The following MED13L variants were observed in gnomAD, a reference collection of about 807,000 sequenced individuals.
MED13L encodes the protein mediator complex subunit 13L, also known as mediator of RNA polymerase II transcription subunit 13-like.
A neutral mutation model predicts 220.9 loss-of-function variants in MED13L; 7 were observed. The observed-to-expected ratio is 0.03, with a 90% CI of 0.02 to 0.06. The LOEUF (loss-of-function observed/expected upper bound fraction) is 0.06. Among genes scored for constraint, MED13L ranks in the 10% least tolerant of loss-of-function variants. MED13L has a pLI of 1.00. For synonymous variants in MED13L, 1,011 were observed against 1,015.2 expected (o/e 1.00, Z 0.08); for missense variants, 1,965 against 2,760.5 (o/e 0.71, Z 6.46).
At chr12:116,213,702 C>T (rs1014310222) in intron 2 of MED13L, among the ~76,000 whole-genome samples, 3 of 152,150 alleles carry the variant, frequency 2.0e-5, no homozygotes, top group African/African-American at 4.8e-5. Flanking sequence ...CGTGAGCCAC[C>T]GCATCCAGCA....
In MED13L at chr12:116,199,886, C is replaced by G. The variant is rs534950891; in HGVS notation, c.310+37582G>C. ...CATCAGTCAGAAGGACAAATTTTCT[C>G]AGGAAAATAATTTCAAGTTCAAGGT... On this transcript the variant is annotated intron_variant, in intron 2 of 30. Transcript: ENST00000281928. Among the ~76,000 whole-genome samples the G allele has an allele frequency of 2.6e-5, 4 of 152,146 alleles. No individual in the cohort carries two copies. In the East Asian group the frequency reaches 7.7e-4, roughly 29 times the overall value.
At chr12:116,111,536 A>G (rs982111210) in intron 2 of MED13L, 24 bp from the exon 3 acceptor site, 4 of 1,572,550 alleles carry the variant, frequency 2.5e-6, no homozygotes, top group Admixed American at 3.5e-5. Flanking sequence ...GAAAAAAGAA[A>G]AAAAAAGAAC....
At chr12:116,206,525 G>A (rs1013986762) in intron 2 of MED13L, among the ~76,000 whole-genome samples, 4 of 152,078 alleles carry the variant, frequency 2.6e-5, no homozygotes, top group African/African-American at 9.7e-5. Flanking sequence ...ATCTATCAGT[G>A]AAGAAGGATA....
At chr12:116,264,930 C>T (rs1481860637) in intron 1 of MED13L, among the ~76,000 whole-genome samples, 1 of 152,138 alleles carries the variant, frequency 6.6e-6, no homozygotes, top group Non-Finnish European at 1.5e-5. Flanking sequence ...GAGTTCAAGC[C>T]CAGCCTGGGT....
chr12:116,157,175 TCTTCC>T (rs1027385239), intron 2 of MED13L, among the ~76,000 whole-genome samples: 3 of 152,214 alleles, frequency 2.0e-5, no homozygotes, highest in African/African-American at 7.2e-5. Context: ...ACTTAAATGT[TCTTCC>T]CTTCATTAAC....
intron 2 of MED13L, among the ~76,000 whole-genome samples, chr12:116,219,866 C>G (rs779148095): frequency 6.6e-6 from 1 of 152,108 alleles, no homozygotes; most frequent in African/African-American, 2.4e-5. Context: ...GGCATCATCT[C>G]GGCTCACTGC....
intron 4 of MED13L, among the ~76,000 whole-genome samples, chr12:116,049,807 G>A (rs1259103236): frequency 1.3e-5 from 2 of 151,744 alleles, no homozygotes; most frequent in Admixed American, 1.3e-4. Flanking sequence ...AAACATCTGA[G>A]GACTACAATT....
At chr12:115,978,583 T>C (rs1877116415) in intron 23 of MED13L, among the ~76,000 whole-genome samples, 1 of 152,122 alleles carries the variant, frequency 6.6e-6, no homozygotes, top group South Asian at 2.1e-4. Context: ...AGCCTCAGCC[T>C]CCCAAAGTGT....
chr12:116,055,709 A>C (rs1007275341), intron 4 of MED13L, among the ~76,000 whole-genome samples: 13 of 152,168 alleles, frequency 8.5e-5, no homozygotes, highest in Admixed American at 6.6e-4. Flanking sequence ...AGCCTAGCCA[A>C]CATAGTGAAA....
chr12:116,024,768 C>CTG (rs1566016659), intron 4 of MED13L, among the ~76,000 whole-genome samples: 1 of 7,746 alleles, frequency 1.3e-4, no homozygotes. Context: ...TTTTTTTTGG[C>CTG]GGGGCGGGGG....
chr12:116,050,961 C>A (rs766042771), intron 4 of MED13L, among the ~76,000 whole-genome samples: 1 of 151,844 alleles, frequency 6.6e-6, no homozygotes, highest in African/African-American at 2.4e-5. Context: ...AAAAAAAACC[C>A]AGAAATTTAC....
intron 4 of MED13L, among the ~76,000 whole-genome samples, chr12:116,028,313 A>G (rs1460035649): frequency 6.6e-6 from 1 of 152,200 alleles, no homozygotes; most frequent in Non-Finnish European, 1.5e-5. Context: ...TACAAGCTCT[A>G]TACCATGTTC....
chr12:116,165,431 C>T (rs1314548654), intron 2 of MED13L, among the ~76,000 whole-genome samples: 3 of 151,732 alleles, frequency 2.0e-5, no homozygotes, highest in African/African-American at 4.8e-5. Flanking sequence ...CCCGAGTTCA[C>T]GCCATTCTCC....
At chr12:116,213,693 G>A (rs1430535043) in intron 2 of MED13L, among the ~76,000 whole-genome samples, 1 of 152,162 alleles carries the variant, frequency 6.6e-6, no homozygotes, top group Non-Finnish European at 1.5e-5. Flanking sequence ...GATTACAGGC[G>A]TGAGCCACCG....
chr12:116,140,822 A>C (rs1374637158), intron 2 of MED13L, among the ~76,000 whole-genome samples: 1 of 152,204 alleles, frequency 6.6e-6, no homozygotes, highest in Non-Finnish European at 1.5e-5. Flanking sequence ...TTCTAACTAA[A>C]GTCCATCCTA....
intron 30 of MED13L, 31 bp from the exon 31 acceptor site, chr12:115,961,429 TGAGCCTCAAGAG>T: frequency 6.2e-7 from 1 of 1,612,472 alleles, no homozygotes; most frequent in Admixed American, 1.7e-5. Flanking sequence ...AGCAGGGGCG[TGAGCCTCAAGAG>T]GGAAGGCTGG....
chr12:115,966,139 G>T lies in MED13L; in HGVS notation c.6330C>A (p.Pro2110=). Residue 2110 remains proline (P), a synonymous_variant, in exon 29 of 31, where the codon CCC becomes CCA. Transcript: ENST00000281928. ...FVSTAKAENL[P]QWFWSSCPQA... ...GGGGACACGATGACCAAAACCACTG[G>T]GGAAGATTCTCAGCTTTGGCAGTTG... The T allele has an allele frequency of 6.2e-7, 1 of 1,614,136 alleles. No homozygotes were observed. The highest frequency in any genetic ancestry group is 1.1e-5 in the South Asian group (1 of 91,076).
At chr12:115,997,986 CACTTACAGCTGCTCTTTTGGGGAA>C (rs1460218059) in intron 14 of MED13L, among the ~76,000 whole-genome samples, 2 of 152,202 alleles carry the variant, frequency 1.3e-5, no homozygotes, top group African/African-American at 2.4e-5. Flanking sequence ...AAATCCACTA[CACTTACAGCTGCTCTTTTGGGGAA>C]ACTCACAGCT....
chr12:116,184,733 G>T (rs938805600), intron 2 of MED13L, among the ~76,000 whole-genome samples: 8 of 152,074 alleles, frequency 5.3e-5, no homozygotes, highest in Non-Finnish European at 8.8e-5. Flanking sequence ...CCATTATTTT[G>T]ATTTAAATCA....
Sources: gnomAD v4.1 joint callset for allele counts (sites outside exome capture counted in the v4.1 genomes callset) on GRCh38, gnomAD v4.1.1 for gene constraint, MANE v1.5 for transcripts, NCBI Gene and HGNC (gene_info 2026-07-23, HGNC 2026-07-21) for gene names.